FER: variants seen among roughly 807,000 people sequenced by gnomAD.
FER encodes FER tyrosine kinase, also known as tyrosine-protein kinase Fer.
In FER, 63 loss-of-function variants were observed where a neutral mutation model predicts 111.0. That is an observed-to-expected ratio of 0.57 (90% CI 0.46 to 0.70). The LOEUF (loss-of-function observed/expected upper bound fraction) is 0.70. Ranked by LOEUF, FER falls within the 30% of genes least tolerant of loss-of-function variation. FER has a pLI of 0.00. For missense variants in FER, 914 were observed against 954.0 expected (o/e 0.96, Z 0.55); for synonymous variants, 327 against 313.9 (o/e 1.04, Z -0.44).
Position 108,934,928 on chromosome 5 carries a change from C to T in FER, c.1237-11202C>T, listed in dbSNP as rs1401302892. Among the ~76,000 whole-genome samples, 4 of 152,032 alleles carry T rather than the reference C, an allele frequency of 2.6e-5. No homozygotes were observed. The South Asian group carries it at 6.2e-4, about 24-fold the overall frequency. On this transcript the variant is annotated intron_variant, in intron 10 of 19. Transcript: ENST00000281092. ...CAAATGCATATATCTACAGAAGGAACAGGATTGGAAAAAAAGAAAAAAGCG... is the reference window on the plus strand; with the variant it reads ...CAAATGCATATATCTACAGAAGGAATAGGATTGGAAAAAAAGAAAAAAGCG...
rs1759426609 is a variant in FER at position 109,192,125 on chromosome 5, G to A, written c.*4550G>A. ...GATTCTTGGGTGGCAGAAAAATCCTGGTGTGCTAGATTCTTAGTCACTTTA... is the reference window on the plus strand; with the variant it reads ...GATTCTTGGGTGGCAGAAAAATCCTAGTGTGCTAGATTCTTAGTCACTTTA... On this transcript the variant is annotated 3_prime_UTR_variant, in exon 20 of 20. Transcript: ENST00000281092. 1 of 152,106 alleles carries A rather than the reference G, an allele frequency of 6.6e-6. No homozygotes were observed. Among genetic ancestry groups the A allele is most frequent in the Non-Finnish European group, 1.5e-5 (1 of 68,022 alleles). 9.4% of individuals were successfully genotyped at this position (152,106 alleles called of 1,614,324 possible).
At chr5:108,816,750 A>G (rs1758320510) in intron 3 of FER, among the ~76,000 whole-genome samples, 1 of 152,168 alleles carries the variant, frequency 6.6e-6, no homozygotes, top group Non-Finnish European at 1.5e-5. Context: ...GACCCCATCC[A>G]AAGCCTGTTA....
intron 16 of FER, among the ~76,000 whole-genome samples, chr5:109,062,344 C>G (rs1227059882): frequency 2.6e-5 from 4 of 151,878 alleles, no homozygotes; most frequent in African/African-American, 9.7e-5. Context: ...CCCAACAAAG[C>G]AAAAACCCCA....
chr5:109,047,928 A>G (rs1244697196), intron 16 of FER, among the ~76,000 whole-genome samples: 5 of 152,194 alleles, frequency 3.3e-5, no homozygotes, highest in Admixed American at 2.6e-4. Flanking sequence ...GAAGTGCTGT[A>G]TTAATAGTAT....
chr5:109,025,096 G>A (rs967408842), intron 13 of FER, among the ~76,000 whole-genome samples: 39 of 152,038 alleles, frequency 2.6e-4, no homozygotes, highest in African/African-American at 3.9e-4. Context: ...TTGACTTGGC[G>A]ATGTGGGCTC....
At chr5:108,982,437 C>T (rs980191790) in intron 13 of FER, among the ~76,000 whole-genome samples, 1 of 152,140 alleles carries the variant, frequency 6.6e-6, no homozygotes, top group East Asian at 1.9e-4. Flanking sequence ...CCTCTTTAAA[C>T]TTTAATCATC....
intron 15 of FER, among the ~76,000 whole-genome samples, chr5:109,045,371 T>G (rs1771816428): frequency 6.6e-6 from 1 of 152,002 alleles, no homozygotes; most frequent in African/African-American, 2.4e-5. Flanking sequence ...CATGCATAAA[T>G]TTTTTATCTT....
intron 13 of FER, among the ~76,000 whole-genome samples, chr5:108,979,557 A>G (rs1381685299): frequency 1.3e-5 from 2 of 152,204 alleles, no homozygotes; most frequent in African/African-American, 4.8e-5. Flanking sequence ...TTAATTAAAA[A>G]ATTAAAAAGT....
intron 16 of FER, among the ~76,000 whole-genome samples, chr5:109,067,976 G>A (rs1359401140): frequency 2.0e-5 from 3 of 152,062 alleles, no homozygotes; most frequent in Admixed American, 6.6e-5. Flanking sequence ...ACATCTAGCC[G>A]TAATCATAGA....
chr5:108,794,523 C>CT (rs1755772096), intron 2 of FER, among the ~76,000 whole-genome samples: 1 of 27,378 alleles, frequency 3.7e-5, no homozygotes. Flanking sequence ...TTGCCCCCTC[C>CT]GCACCCCCCC....
rs146081076 is a variant in FER at position 108,798,461 on chromosome 5, A to G, written c.207+72A>G. On this transcript the variant is annotated intron_variant, in intron 3 of 19. Coordinates refer to ENST00000281092, the MANE Select transcript of FER (RefSeq NM_005246.4). ...TCCTTAAAATGCAATAGCTCAAACT[A>G]TTGAATGAGCATACTTAAGTCAGCA... 554 of 1,140,620 alleles carry G rather than the reference A, an allele frequency of 4.9e-4. 6 individuals carry two copies. In the Admixed American group the frequency reaches 7.6e-3, roughly 16 times the overall value. 70.7% of individuals were successfully genotyped at this position (1,140,620 alleles called of 1,614,324 possible).
Position 109,173,332 on chromosome 5 carries a change from C to T in FER, c.2049-7415C>T, listed in dbSNP as rs529291729. ...AGGCAGCAACCTCATTGAAGGGAAT[C>T]ACCACAGGCCTCTGTTTCTCCAGAG... On this transcript the variant is annotated intron_variant, in intron 17 of 19. Coordinates refer to ENST00000281092, the MANE Select transcript of FER (RefSeq NM_005246.4). 5.1e-4 allele frequency among the ~76,000 whole-genome samples: 78 copies of T among 152,330 alleles called. 2 individuals are homozygous for T. The South Asian group carries it at 0.016, about 31-fold the overall frequency.
intron 10 of FER, among the ~76,000 whole-genome samples, chr5:108,941,051 C>T (rs1027305521): frequency 6.6e-6 from 1 of 152,088 alleles, no homozygotes; most frequent in Non-Finnish European, 1.5e-5. Context: ...TTCTCTCTCC[C>T]ACCCGAGAGG....
intron 16 of FER, among the ~76,000 whole-genome samples, chr5:109,058,470 T>G (rs1453642474): frequency 1.3e-5 from 2 of 152,076 alleles, no homozygotes; most frequent in South Asian, 4.1e-4. Context: ...TACTGTAGTA[T>G]TATAAGATTA....
Position 108,771,089 on chromosome 5 carries a change from C to G in FER, c.-60+2851C>G, listed in dbSNP as rs561937909. On this transcript the variant is annotated intron_variant, in intron 2 of 19. Coordinates refer to ENST00000281092, the MANE Select transcript of FER (RefSeq NM_005246.4). Reference sequence around the variant, plus strand: ...TAGCTGGGATTACAGATGCCCGCCACCATGCCCAGCTAATTTTTGTATTTT... The same window carrying G: ...TAGCTGGGATTACAGATGCCCGCCAGCATGCCCAGCTAATTTTTGTATTTT... Among the ~76,000 whole-genome samples, 316 of 152,034 alleles carry G rather than the reference C, an allele frequency of 2.1e-3. 3 individuals are homozygous for G. Among genetic ancestry groups the G allele is most frequent in the African/African-American group, 7.1e-3 (294 of 41,456 alleles).
intron 10 of FER, among the ~76,000 whole-genome samples, chr5:108,914,146 A>G (rs1414070122): frequency 6.6e-6 from 1 of 152,074 alleles, no homozygotes; most frequent in Non-Finnish European, 1.5e-5. Flanking sequence ...TGCTATATTC[A>G]TCTTGTACTT....
At chr5:109,049,815 G>A (rs1218524443) in intron 16 of FER, among the ~76,000 whole-genome samples, 1 of 152,164 alleles carries the variant, frequency 6.6e-6, no homozygotes, top group Non-Finnish European at 1.5e-5. Context: ...AAGGCATTTG[G>A]AGAAACTGGT....
intron 5 of FER, among the ~76,000 whole-genome samples, chr5:108,866,451 GGGAGTGATAGCCTTA>G (rs1211729243): frequency 6.6e-6 from 1 of 152,118 alleles, no homozygotes; most frequent in Non-Finnish European, 1.5e-5. Context: ...GGGGGGAAGG[GGGAGTGATAGCCTTA>G]GGAGATATAC....
chr5:108,776,829 T>C (rs1373179300), intron 2 of FER, among the ~76,000 whole-genome samples: 1 of 152,200 alleles, frequency 6.6e-6, no homozygotes, highest in Non-Finnish European at 1.5e-5. Flanking sequence ...ACAAGATAGA[T>C]TTAAATAAAT....
Sources: gnomAD v4.1 joint callset for allele counts (sites outside exome capture counted in the v4.1 genomes callset) on GRCh38, gnomAD v4.1.1 for gene constraint, MANE v1.5 for transcripts, NCBI Gene and HGNC (gene_info 2026-07-23, HGNC 2026-07-21) for gene names.